ATG10: variants seen among roughly 807,000 people sequenced by gnomAD.
ATG10 encodes the protein ubiquitin-like-conjugating enzyme ATG10.
Under a neutral mutation model 32.1 loss-of-function variants are expected in ATG10, and 30 were observed. The ratio of observed to expected loss-of-function variants is 0.94; its 90% CI spans 0.70 to 1.27. ATG10 has a LOEUF of 1.27. Ranked by LOEUF, ATG10 falls within the 50% of genes most tolerant of loss-of-function variation. ATG10 has a pLI of 0.00. For missense variants in ATG10, 233 were observed against 262.3 expected (o/e 0.89, Z 0.77); for synonymous variants, 87 against 91.5 (o/e 0.95, Z 0.28).
intron 1 of ATG10, among the ~76,000 whole-genome samples, chr5:81,980,377 T>G (rs1042159831): frequency 4.6e-5 from 7 of 152,208 alleles, no homozygotes; most frequent in Non-Finnish European, 7.3e-5. Context: ...TTGTTATTAA[T>G]GTTTTTGGTT....
At chr5:82,131,905 C>A (rs991671910) in intron 3 of ATG10, among the ~76,000 whole-genome samples, 3 of 151,820 alleles carry the variant, frequency 2.0e-5, no homozygotes, top group Non-Finnish European at 4.4e-5. Flanking sequence ...GGCTTCCAAT[C>A]ATGGCAGAAG....
At chr5:82,195,890 A>G (rs980136027) in intron 5 of ATG10, among the ~76,000 whole-genome samples, 2 of 152,218 alleles carry the variant, frequency 1.3e-5, no homozygotes, top group African/African-American at 4.8e-5. Flanking sequence ...TTTCTTGTGT[A>G]TATAACCTAG....
intron 4 of ATG10, among the ~76,000 whole-genome samples, chr5:82,174,855 A>G (rs1743948202): frequency 6.6e-6 from 1 of 152,212 alleles, no homozygotes; most frequent in South Asian, 2.1e-4. Context: ...AATAGGTGCT[A>G]AAGAGACTGC....
At chr5:82,229,887 C>T (rs189710957) in intron 5 of ATG10, among the ~76,000 whole-genome samples, 1 of 152,278 alleles carries the variant, frequency 6.6e-6, no homozygotes, top group Non-Finnish European at 1.5e-5. Context: ...GATGGCTGTA[C>T]CAGCTCATTG....
At chr5:82,037,692 G>T (rs1363146751) in intron 2 of ATG10, among the ~76,000 whole-genome samples, 1 of 152,076 alleles carries the variant, frequency 6.6e-6, no homozygotes, top group Non-Finnish European at 1.5e-5. Flanking sequence ...TAAGAGAAAT[G>T]TCTTATAGGT....
intron 2 of ATG10, among the ~76,000 whole-genome samples, chr5:82,047,127 C>G (rs887601285): frequency 1.3e-5 from 2 of 152,090 alleles, no homozygotes; most frequent in East Asian, 3.9e-4. Context: ...AAAAAAATAA[C>G]TTTCGATAGC....
At chr5:82,154,626 T>C (rs1015632561) in intron 3 of ATG10, among the ~76,000 whole-genome samples, 2 of 152,196 alleles carry the variant, frequency 1.3e-5, no homozygotes, top group Non-Finnish European at 2.9e-5. Flanking sequence ...CTCTGAAGTC[T>C]ATGTGTTTTT....
chr5:82,115,050 A>G (rs1419848293), intron 3 of ATG10, among the ~76,000 whole-genome samples: 1 of 152,102 alleles, frequency 6.6e-6, no homozygotes, highest in Non-Finnish European at 1.5e-5. Context: ...TGGCTATTAT[A>G]TTGAAAAGCA....
chr5:82,105,879 T>A (rs1285110859), intron 3 of ATG10, among the ~76,000 whole-genome samples: 4 of 152,170 alleles, frequency 2.6e-5, no homozygotes, highest in Non-Finnish European at 5.9e-5. Flanking sequence ...GAAAAAATGA[T>A]TTCCAAGCTA....
At chr5:82,132,812 C>T (rs1022948806) in intron 3 of ATG10, among the ~76,000 whole-genome samples, 18 of 152,086 alleles carry the variant, frequency 1.2e-4, no homozygotes, top group African/African-American at 1.9e-4. Context: ...GAGGAATCAC[C>T]GCACTGTCTT....
chr5:82,225,811 T>A (rs1270060227), intron 5 of ATG10, among the ~76,000 whole-genome samples: 2 of 152,218 alleles, frequency 1.3e-5, no homozygotes, highest in Admixed American at 6.5e-5. Flanking sequence ...AATACTTGAC[T>A]CCATTAGAGC....
At chr5:82,179,079 A>G (rs1289961803) in intron 5 of ATG10, among the ~76,000 whole-genome samples, 7 of 152,280 alleles carry the variant, frequency 4.6e-5, no homozygotes, top group African/African-American at 1.7e-4. Flanking sequence ...CCTATTTTAT[A>G]ATAAAATATT....
Position 82,127,286 on chromosome 5 carries a change from G to A in ATG10, c.217-37113G>A, listed in dbSNP as rs568307887. On this transcript the variant is annotated intron_variant, in intron 3 of 7. Transcript: ENST00000282185. Reference sequence around the variant, plus strand: ...GTTTTTCATGTCTCTGTCTTCTTCAGTTCTGGCCTGATCTTAGTTATTTCT... The same window carrying A: ...GTTTTTCATGTCTCTGTCTTCTTCAATTCTGGCCTGATCTTAGTTATTTCT... Among the ~76,000 whole-genome samples the A allele has an allele frequency of 3.6e-4, 55 of 152,094 alleles. 2 individuals carry two copies. The highest frequency in any genetic ancestry group is 3.3e-3 in the Admixed American group (51 of 15,258).
intron 3 of ATG10, among the ~76,000 whole-genome samples, chr5:82,068,259 G>A (rs564363200): frequency 9.1e-4 from 139 of 152,184 alleles, no homozygotes; most frequent in South Asian, 5.8e-3. Flanking sequence ...GGACACGGAC[G>A]AAGCTGGAAA....
chr5:82,227,477 C>T (rs575947607), intron 5 of ATG10, among the ~76,000 whole-genome samples: 6 of 152,142 alleles, frequency 3.9e-5, no homozygotes, highest in Non-Finnish European at 7.4e-5. Flanking sequence ...CAGATTCAAG[C>T]GATTCTCCTG....
intron 2 of ATG10, among the ~76,000 whole-genome samples, chr5:82,051,731 G>A (rs1763433402): frequency 2.6e-5 from 4 of 152,154 alleles, no homozygotes; most frequent in Admixed American, 2.6e-4. Context: ...GGTATGGGGA[G>A]GAGTCGTATT....
intron 3 of ATG10, among the ~76,000 whole-genome samples, chr5:82,135,406 A>C (rs1365041523): frequency 6.6e-6 from 1 of 152,222 alleles, no homozygotes; most frequent in Non-Finnish European, 1.5e-5. Flanking sequence ...GCTGTGTCCC[A>C]GAGATTCTGG....
chr5:82,037,234 CTTTTTTT>C (rs1166784267), intron 2 of ATG10, among the ~76,000 whole-genome samples: 11 of 36,924 alleles, frequency 3.0e-4, no homozygotes, highest in Admixed American at 5.1e-4. Flanking sequence ...ATCTCATTTA[CTTTTTTT>C]TTTTTTTTTT....
intron 5 of ATG10, among the ~76,000 whole-genome samples, chr5:82,220,754 TTC>T (rs973170843): frequency 6.7e-6 from 1 of 148,508 alleles, no homozygotes; most frequent in Non-Finnish European, 1.5e-5. Context: ...ATCTCTCTCT[TTC>T]TCTCTCTTTT....
Sources: allele counts gnomAD v4.1 joint callset (sites outside exome capture counted in the v4.1 genomes callset), GRCh38; gene constraint gnomAD v4.1.1; transcripts MANE v1.5; gene names NCBI Gene and HGNC (gene_info 2026-07-23, HGNC 2026-07-21).